Variants in CTNND2 observed in about 807,000 individuals in gnomAD.
CTNND2 encodes the protein catenin delta-2.
Under a neutral mutation model 144.4 loss-of-function variants are expected in CTNND2, and 22 were observed. The ratio of observed to expected loss-of-function variants is 0.15; its 90% CI spans 0.11 to 0.22. CTNND2 has a LOEUF of 0.22. Ranked by LOEUF, CTNND2 falls within the 10% of genes least tolerant of loss-of-function variation. CTNND2 has a pLI of 1.00. For missense variants in CTNND2, 1,353 were observed against 1,618.8 expected (o/e 0.84, Z 2.82); for synonymous variants, 751 against 695.6 (o/e 1.08, Z -1.25).
chr5:11,073,748 C>A, intron 16 of CTNND2, among the ~76,000 whole-genome samples: 1 of 152,142 alleles, frequency 6.6e-6, no homozygotes, highest in Non-Finnish European at 1.5e-5. Context: ...GTAACATAGG[C>A]ACCTAATCTG....
intron 3 of CTNND2, among the ~76,000 whole-genome samples, chr5:11,540,285 C>T (rs1774605615): frequency 6.6e-6 from 1 of 152,064 alleles, no homozygotes; most frequent in Non-Finnish European, 1.5e-5. Context: ...TTTTCAGTTG[C>T]CAGTATTGCC....
At chr5:11,608,992 T>C (rs1780191905) in intron 2 of CTNND2, among the ~76,000 whole-genome samples, 1 of 152,158 alleles carries the variant, frequency 6.6e-6, no homozygotes, top group South Asian at 2.1e-4. Context: ...CTCAGATCCA[T>C]GAAGCAATTC....
At chr5:11,004,504 C>T (rs1388310710) in intron 18 of CTNND2, among the ~76,000 whole-genome samples, 2 of 152,196 alleles carry the variant, frequency 1.3e-5, no homozygotes, top group Non-Finnish European at 2.9e-5. Context: ...TGGCTAATGC[C>T]TGGAATCCCA....
chr5:11,528,796 A>G (rs964388904), intron 3 of CTNND2, among the ~76,000 whole-genome samples: 2 of 152,234 alleles, frequency 1.3e-5, no homozygotes, highest in African/African-American at 4.8e-5. Flanking sequence ...TGACAGAAGA[A>G]GGCCTTCCAG....
At chr5:11,264,010 G>A (rs1156825141) in intron 9 of CTNND2, among the ~76,000 whole-genome samples, 1 of 152,118 alleles carries the variant, frequency 6.6e-6, no homozygotes, top group African/African-American at 2.4e-5. Flanking sequence ...GTTCACCTTC[G>A]AATCAACTAA....
At chr5:11,386,596 C>G (rs1759109978) in intron 6 of CTNND2, among the ~76,000 whole-genome samples, 1 of 152,146 alleles carries the variant, frequency 6.6e-6, no homozygotes, top group African/African-American at 2.4e-5. Context: ...GAGAGACTTT[C>G]TCTATGCAGA....
intron 2 of CTNND2, among the ~76,000 whole-genome samples, chr5:11,690,742 CAAAAAAAAAAAAAAAAAAAA>C (rs58799389): frequency 1.1e-4 from 4 of 36,532 alleles, no homozygotes; most frequent in Non-Finnish European, 2.2e-4. Flanking sequence ...GACTCCGTCT[CAAAAAAAAAAAAAAAAAAAA>C]AAAAAAAAAA....
chr5:11,450,776 T>G (rs1247884516), intron 3 of CTNND2, among the ~76,000 whole-genome samples: 1 of 151,814 alleles, frequency 6.6e-6, no homozygotes, highest in East Asian at 1.9e-4. Flanking sequence ...CGCATGCTTG[T>G]AATCTCAGCT....
chr5:11,511,272 G>T (rs1313840016), intron 3 of CTNND2, among the ~76,000 whole-genome samples: 1 of 152,122 alleles, frequency 6.6e-6, no homozygotes, highest in African/African-American at 2.4e-5. Flanking sequence ...CATTCTATTT[G>T]GTTTCTATCT....
At chr5:11,529,874 CAG>C (rs967103932) in intron 3 of CTNND2, among the ~76,000 whole-genome samples, 25 of 151,954 alleles carry the variant, frequency 1.6e-4, no homozygotes, top group African/African-American at 5.8e-4. Flanking sequence ...GTATCTAAAA[CAG>C]AATTATCAAA....
At chr5:11,736,615 T>C (rs1038971627) in intron 1 of CTNND2, among the ~76,000 whole-genome samples, 7 of 152,184 alleles carry the variant, frequency 4.6e-5, no homozygotes, top group African/African-American at 1.7e-4. Context: ...GGCCTTAGGG[T>C]AAGTATAAAA....
At chr5:11,164,048 C>T (rs1759053543) in intron 11 of CTNND2, among the ~76,000 whole-genome samples, 1 of 152,060 alleles carries the variant, frequency 6.6e-6, no homozygotes, top group Non-Finnish European at 1.5e-5. Context: ...TGTCAACCTC[C>T]TGGGGGCTGC....
At chr5:11,678,720 G>C (rs1003014366) in intron 2 of CTNND2, among the ~76,000 whole-genome samples, 1 of 152,144 alleles carries the variant, frequency 6.6e-6, no homozygotes, top group South Asian at 2.1e-4. Context: ...CTTTAGTAAA[G>C]AGTAACAAAC....
At chr5:11,420,655 C>T (rs190679380) in intron 3 of CTNND2, among the ~76,000 whole-genome samples, 1 of 152,302 alleles carries the variant, frequency 6.6e-6, no homozygotes, top group African/African-American at 2.4e-5. Context: ...CTCCACTCTC[C>T]GCAGAATGTT....
At chr5:11,489,092 C>CA (rs1769127874) in intron 3 of CTNND2, among the ~76,000 whole-genome samples, 1 of 152,096 alleles carries the variant, frequency 6.6e-6, no homozygotes, top group South Asian at 2.1e-4. Context: ...GATTCTGGGT[C>CA]ACAGGGTACG....
intron 2 of CTNND2, among the ~76,000 whole-genome samples, chr5:11,692,556 G>A (rs1008534883): frequency 2.0e-5 from 3 of 152,222 alleles, no homozygotes; most frequent in Admixed American, 6.5e-5. Context: ...GGTGTGTGAT[G>A]AGAAGATAAA....
At chr5:11,893,294 T>C (rs971720000) in intron 1 of CTNND2, among the ~76,000 whole-genome samples, 6 of 152,182 alleles carry the variant, frequency 3.9e-5, no homozygotes, top group African/African-American at 7.2e-5. Flanking sequence ...AAATCCATGT[T>C]TGAAAAGGAT....
chr5:11,478,967 T>C (rs1015922667), intron 3 of CTNND2, among the ~76,000 whole-genome samples: 7 of 152,190 alleles, frequency 4.6e-5, no homozygotes, highest in African/African-American at 7.2e-5. Context: ...AGGGTTCTAT[T>C]ATATTAAACA....
At chr5:11,236,612 C>A in intron 10 of CTNND2, 79 bp downstream of exon 10, 1 of 1,456,902 alleles carries the variant, frequency 6.9e-7, no homozygotes, top group Non-Finnish European at 9.4e-7. Flanking sequence ...TCTCCTAATT[C>A]TTTTCCCCAT....
Sources: allele counts gnomAD v4.1 joint callset (sites outside exome capture counted in the v4.1 genomes callset), GRCh38; gene constraint gnomAD v4.1.1; transcripts MANE v1.5; gene names NCBI Gene and HGNC (gene_info 2026-07-23, HGNC 2026-07-21).